ENAH: variants seen among roughly 807,000 people sequenced by gnomAD.
ENAH encodes protein enabled homolog.
ENAH carries 23 observed loss-of-function variants against 78.7 expected under a neutral mutation model. The observed-to-expected ratio is 0.29, with a 90% CI of 0.21 to 0.41. The LOEUF is 0.41. Ranked by LOEUF, ENAH falls within the 10% of genes least tolerant of loss-of-function variation. The pLI is 1.00. For missense variants in ENAH, 544 were observed against 691.0 expected (o/e 0.79, Z 2.39); for synonymous variants, 226 against 241.0 (o/e 0.94, Z 0.58).
In ENAH at chr1:225,649,158, T is replaced by A. The variant is rs76535218; in HGVS notation, c.5+3528A>T. On this transcript the variant is annotated intron_variant, in intron 1 of 13. Coordinates refer to ENST00000366843, the MANE Select transcript of ENAH (RefSeq NM_018212.6). ...TAAGAATTATCTCTATTTTTACATA[T>A]TTTTTAAAAAGGCATCAGTGAAATA... Among the ~76,000 whole-genome samples the A allele has an allele frequency of 7.4e-3, 1,130 of 152,300 alleles. 11 individuals carry two copies. The highest frequency in any genetic ancestry group is 0.026 in the African/African-American group (1,061 of 41,562).
intron 3 of ENAH, among the ~76,000 whole-genome samples, chr1:225,535,744 T>TA (rs1013921091): frequency 6.6e-6 from 1 of 152,160 alleles, no homozygotes; most frequent in East Asian, 1.9e-4. Context: ...CATAGGCTCT[T>TA]AAAAAAATTT....
At chr1:225,653,273 G>T, upstream of ENAH, 1 of 150,810 alleles carries the variant, frequency 6.6e-6, no homozygotes, top group South Asian at 2.1e-4. This position sits in a 1 kb window ranked among gnomAD's most constrained non-coding sequence, Gnocchi z 4.3. Context: ...GCACTCCCCC[G>T]CGCCGGCGGC....
At chr1:225,644,780 G>C (rs1485325859) in intron 1 of ENAH, among the ~76,000 whole-genome samples, 2 of 152,048 alleles carry the variant, frequency 1.3e-5, no homozygotes, top group Non-Finnish European at 2.9e-5. Flanking sequence ...TGTTCTATAA[G>C]GCCTTTACCA....
chr1:225,612,314 G>A (rs2096994686), intron 1 of ENAH, among the ~76,000 whole-genome samples: 1 of 152,180 alleles, frequency 6.6e-6, no homozygotes, highest in African/African-American at 2.4e-5. Context: ...CTTAGTCACA[G>A]AAGCCAGACA....
intron 1 of ENAH, among the ~76,000 whole-genome samples, chr1:225,636,122 G>C (rs1339268861): frequency 1.3e-5 from 2 of 152,180 alleles, no homozygotes; most frequent in Admixed American, 1.3e-4. Context: ...AATAATGATA[G>C]GAGCATTTAT....
intron 1 of ENAH, among the ~76,000 whole-genome samples, chr1:225,622,911 A>C (rs1320379538): frequency 6.6e-6 from 1 of 152,212 alleles, no homozygotes; most frequent in African/African-American, 2.4e-5. Flanking sequence ...TTTCAAAAGG[A>C]AAAAACTAGA....
At chr1:225,607,298 C>T in intron 1 of ENAH, among the ~76,000 whole-genome samples, 1 of 152,128 alleles carries the variant, frequency 6.6e-6, no homozygotes, top group Non-Finnish European at 1.5e-5. Flanking sequence ...TGTTGAGCCA[C>T]ATTCAAAGCC....
intron 1 of ENAH, among the ~76,000 whole-genome samples, chr1:225,610,145 G>C (rs1246765358): frequency 6.8e-6 from 1 of 148,110 alleles, no homozygotes. Context: ...TCACATTATA[G>C]AACATTATGT....
At chr1:225,601,257 A>C (rs952069906) in intron 1 of ENAH, among the ~76,000 whole-genome samples, 1 of 152,190 alleles carries the variant, frequency 6.6e-6, no homozygotes, top group African/African-American at 2.4e-5. Flanking sequence ...ACGGTGGCTC[A>C]CGCCTGTAAT....
intron 1 of ENAH, among the ~76,000 whole-genome samples, chr1:225,621,803 C>T (rs12120530): frequency 0.027 from 4,042 of 152,216 alleles, 60 homozygotes; most frequent in Non-Finnish European, 0.041. Flanking sequence ...TTCAGTTTCA[C>T]CTAATCAGAA....
chr1:225,623,572 G>C (rs1657389963), intron 1 of ENAH, among the ~76,000 whole-genome samples: 1 of 139,772 alleles, frequency 7.2e-6, no homozygotes, highest in South Asian at 2.4e-4. Context: ...CCGACAAGTA[G>C]TGTTTTTTTG....
chr1:225,642,498 C>T (rs905299858), intron 1 of ENAH, among the ~76,000 whole-genome samples: 2 of 152,042 alleles, frequency 1.3e-5, no homozygotes, highest in Admixed American at 6.6e-5. Context: ...GGAAAACACA[C>T]GAATGAGTCC....
intron 4 of ENAH, among the ~76,000 whole-genome samples, chr1:225,521,417 G>A (rs912870912): frequency 3.9e-5 from 6 of 152,060 alleles, no homozygotes. Flanking sequence ...CCAGCACTTT[G>A]GGAGGCCGAG....
chr1:225,565,759 C>T lies in ENAH; in HGVS notation c.171+1490G>A, dbSNP rs181494761. 9.2e-5 allele frequency among the ~76,000 whole-genome samples: 14 copies of T among 151,962 alleles called. 1 individual carries two copies. Among genetic ancestry groups the T allele is most frequent in the East Asian group, 7.7e-4 (4 of 5,164 alleles). On this transcript the variant is annotated intron_variant, in intron 2 of 13. Transcript: ENST00000366843. ...CCCAGAACCTGGACTACAAATGGGA[C>T]AAAGGGGGCTCTTGGTAAAAAGCCT... is the stretch of plus-strand genomic sequence containing the variant.
rs1177907680 is a variant in ENAH at position 225,495,971 on chromosome 1, C to G, written c.*1804G>C. 2 of 152,444 alleles carry G rather than the reference C, an allele frequency of 1.3e-5. No individual in the cohort carries two copies. The highest frequency in any genetic ancestry group is 2.9e-5 in the Non-Finnish European group (2 of 67,992). The allele number at this position is 152,444 out of a possible 1,614,324, so 9.4% of individuals were successfully genotyped here. Reference sequence around the variant, plus strand: ...CCAAACTTCTTTGTAGTGGTAAAGGCTGCAAATTTGCAGCGTTTAGAAAAC... The same window carrying G: ...CCAAACTTCTTTGTAGTGGTAAAGGGTGCAAATTTGCAGCGTTTAGAAAAC... On this transcript the variant is annotated 3_prime_UTR_variant, in exon 14 of 14. Coordinates refer to ENST00000366843, the MANE Select transcript of ENAH (RefSeq NM_018212.6).
chr1:225,586,262 AG>A, intron 1 of ENAH, among the ~76,000 whole-genome samples: 1 of 148,554 alleles, frequency 6.7e-6, no homozygotes, highest in Non-Finnish European at 1.5e-5. Context: ...AAAAAAAGGA[AG>A]AAAAAGAGGA....
intron 1 of ENAH, among the ~76,000 whole-genome samples, chr1:225,597,457 C>T (rs1241818784): frequency 6.6e-6 from 1 of 151,894 alleles, no homozygotes; most frequent in African/African-American, 2.4e-5. Flanking sequence ...CCCAGGAGTT[C>T]AAGACCAGCT....
At chr1:225,519,052 G>A in intron 5 of ENAH, 146 bp downstream of exon 5, 1 of 1,229,048 alleles carries the variant, frequency 8.1e-7, no homozygotes, top group Non-Finnish European at 1.1e-6. Flanking sequence ...TGTTAAAGTA[G>A]TAATTGCTGC....
In ENAH at chr1:225,652,957, C is replaced by G. The variant is rs1320021586; in HGVS notation, c.-267G>C. 3 of 366,690 alleles carry G rather than the reference C, an allele frequency of 8.2e-6. No homozygotes were observed. Among genetic ancestry groups the G allele is most frequent in the Admixed American group, 4.6e-5 (1 of 21,642 alleles). The allele number at this position is 366,690 out of a possible 1,614,324, so 22.7% of individuals were successfully genotyped here. ...GCTGGTCCCCAGGCGGCCGCCGCCT[C>G]CCACCTCCTCGTGGTCCTGCTCCTC... On this transcript the variant is annotated 5_prime_UTR_variant, in exon 1 of 14. Transcript: ENST00000366843.
Sources: gnomAD v4.1 joint callset for allele counts (sites outside exome capture counted in the v4.1 genomes callset) on GRCh38, gnomAD v4.1.1 for gene constraint, Gnocchi (gnomAD v3.1) non-coding constraint, MANE v1.5 for transcripts, NCBI Gene and HGNC (gene_info 2026-07-23, HGNC 2026-07-21) for gene names.